ANO1: variants seen among roughly 807,000 people sequenced by gnomAD.
The protein encoded by ANO1 is anoctamin 1.
In ANO1, 59 loss-of-function variants were observed where a neutral mutation model predicts 124.0. The ratio of observed to expected loss-of-function variants is 0.48; its 90% CI spans 0.39 to 0.59. The LOEUF is 0.59. Ranked by LOEUF, ANO1 falls within the 20% of genes least tolerant of loss-of-function variation. ANO1 has a pLI of 0.00. For missense variants in ANO1, 1,059 were observed against 1,328.0 expected, an observed-to-expected ratio of 0.80 and a Z score of 3.15; for synonymous variants, 529 against 532.0, an observed-to-expected ratio of 0.99 and a Z score of 0.08.
intron 1 of ANO1, among the ~76,000 whole-genome samples, chr11:70,023,078 C>G (rs1323186286): frequency 3.3e-5 from 5 of 152,196 alleles, no homozygotes; most frequent in Non-Finnish European, 5.9e-5. Context: ...AAGGAACAGC[C>G]CTGCTGACAC....
intron 1 of ANO1, among the ~76,000 whole-genome samples, chr11:70,006,642 T>C (rs1555000115): frequency 1.4e-5 from 2 of 139,894 alleles, no homozygotes; most frequent in African/African-American, 2.7e-5. Context: ...CTTTTCTTTC[T>C]TCTTTCTTTC....
chr11:70,013,916 T>TGACCAAGACAG (rs2134976816), intron 1 of ANO1, among the ~76,000 whole-genome samples: 1 of 152,204 alleles, frequency 6.6e-6, no homozygotes, highest in South Asian at 2.1e-4. Flanking sequence ...CTGCCAAGCC[T>TGACCAAGACAG]GGTTCCTGCT....
intron 1 of ANO1, among the ~76,000 whole-genome samples, chr11:70,025,547 G>A (rs1377532040): frequency 1.3e-5 from 2 of 151,980 alleles, no homozygotes; most frequent in Non-Finnish European, 2.9e-5. Context: ...TGATAGTGGT[G>A]ATGGTGATGA....
chr11:70,042,521 G>A (rs1857199611), intron 1 of ANO1, among the ~76,000 whole-genome samples: 2 of 151,680 alleles, frequency 1.3e-5, no homozygotes, highest in Admixed American at 1.3e-4. Flanking sequence ...CACAGAGAGA[G>A]AGAGAGAGAG....
At chr11:70,066,953 A>T (rs1272993331) in intron 1 of ANO1, among the ~76,000 whole-genome samples, 2 of 152,188 alleles carry the variant, frequency 1.3e-5, no homozygotes, top group African/African-American at 4.8e-5. Flanking sequence ...AAACTTGAAA[A>T]AGCAGCCCCC....
chr11:70,122,375 CCTCT>C (rs1220423207), intron 8 of ANO1, among the ~76,000 whole-genome samples: 3 of 135,728 alleles, frequency 2.2e-5, no homozygotes, highest in African/African-American at 8.4e-5. Flanking sequence ...GTCTCCCCCA[CCTCT>C]CTCTGTCTGT....
intron 5 of ANO1, chr11:70,108,074 C>T (rs2045628938): frequency 2.8e-5 from 12 of 435,236 alleles, no homozygotes. Flanking sequence ...CAGTGCTTTG[C>T]TGGGGCCAAC....
At position 70,152,474 on chromosome 11, in the gene ANO1, T is replaced by C. The variant is rs2047644087; in HGVS notation, c.1353+13T>C. 3.1e-6 allele frequency: 5 copies of C among 1,612,680 alleles called. No individual in the cohort carries two copies. Among genetic ancestry groups the C allele is most frequent in the East Asian group, 4.5e-5 (2 of 44,874 alleles). On this transcript the variant is annotated intron_variant, in intron 13 of 25. Coordinates refer to ENST00000355303, the MANE Select transcript of ANO1 (RefSeq NM_018043.7). ...GGAGGCTGTCAAGGTTTGGAACTTT[T>C]TGTCGCTCCTCTATCTTCCCACAGC...
At chr11:69,969,676 C>A in the ANO1 span, among the ~76,000 whole-genome samples, 1 of 152,150 alleles carries the variant, frequency 6.6e-6, no homozygotes, top group South Asian at 2.1e-4. Flanking sequence ...CGGCCAGGCA[C>A]GGTGGCTCAC....
At chr11:69,976,638 C>T in the ANO1 span, among the ~76,000 whole-genome samples, 4 of 150,396 alleles carry the variant, frequency 2.7e-5, no homozygotes, top group South Asian at 6.3e-4. Context: ...TGGCCATCTG[C>T]AAGCCAAGGA....
At chr11:70,139,069 A>G (rs1180348093) in intron 11 of ANO1, among the ~76,000 whole-genome samples, 2 of 152,216 alleles carry the variant, frequency 1.3e-5, no homozygotes, top group African/African-American at 4.8e-5. Flanking sequence ...TAGTCCGCTT[A>G]GGATAATGGT....
intron 23 of ANO1, among the ~76,000 whole-genome samples, chr11:70,182,035 G>T (rs763794265): frequency 1.3e-5 from 2 of 151,998 alleles, no homozygotes; most frequent in African/African-American, 2.4e-5. Flanking sequence ...GCCAGAGCCG[G>T]TGCTATAATA....
chr11:70,118,677 T>G (rs1222554805), intron 8 of ANO1, among the ~76,000 whole-genome samples: 35 of 100,302 alleles, frequency 3.5e-4, no homozygotes, highest in Non-Finnish European at 5.4e-4. Flanking sequence ...GGTGGGTGGG[T>G]GGATGGATGG....
chr11:70,050,531 T>C (rs1483356463), intron 1 of ANO1, among the ~76,000 whole-genome samples: 2 of 152,176 alleles, frequency 1.3e-5, no homozygotes, highest in African/African-American at 2.4e-5. Flanking sequence ...CCTTTCCTTG[T>C]TGAGCTTGGT....
chr11:69,976,651 G>C, the ANO1 span, among the ~76,000 whole-genome samples: 2 of 151,304 alleles, frequency 1.3e-5, no homozygotes, highest in African/African-American at 2.4e-5. Context: ...GCCAAGGAGA[G>C]AGGCCTCAGG....
chr11:69,976,897 C>T, the ANO1 span, among the ~76,000 whole-genome samples: 3,729 of 152,244 alleles, frequency 0.024, 88 homozygotes, highest in African/African-American at 0.056. Flanking sequence ...TGGTGTTTGC[C>T]GGGTCCCTGG....
intron 20 of ANO1, 51 bp downstream of exon 20, chr11:70,165,621 G>A: frequency 1.3e-6 from 2 of 1,486,672 alleles, no homozygotes; most frequent in South Asian, 1.2e-5. Flanking sequence ...CAGGCGGAGG[G>A]GTGTGTGGGT....
At chr11:70,144,973 C>A (rs896766160) in intron 11 of ANO1, among the ~76,000 whole-genome samples, 13 of 152,134 alleles carry the variant, frequency 8.5e-5, no homozygotes, top group African/African-American at 2.7e-4. Flanking sequence ...CCGTGTCCAG[C>A]GCCTGGCAGC....
intron 1 of ANO1, chr11:70,065,120 A>G (rs1364901981): frequency 1.3e-5 from 2 of 152,130 alleles, no homozygotes; most frequent in African/African-American, 4.8e-5. Context: ...GCTTTTTAAG[A>G]CGGCTGACTC....
Sources: gnomAD v4.1 joint callset for allele counts (sites outside exome capture counted in the v4.1 genomes callset) on GRCh38, gnomAD v4.1.1 for gene constraint, MANE v1.5 for transcripts, NCBI Gene and HGNC (gene_info 2026-07-23, HGNC 2026-07-21) for gene names.